BBX: variants seen among roughly 807,000 people sequenced by gnomAD.
BBX encodes the protein BBX high mobility group box domain containing, also known as HMG box transcription factor BBX.
Under a neutral mutation model 100.2 loss-of-function variants are expected in BBX, and 30 were observed. The observed-to-expected ratio is 0.30, with a 90% CI of 0.22 to 0.41. BBX has a LOEUF of 0.41. Among genes scored for constraint, BBX ranks in the 10% least tolerant of loss-of-function variants. The probability of loss-of-function intolerance (pLI) is 1.00; values close to 1 mark genes in which losing one functional copy is unlikely to be tolerated. For synonymous variants in BBX, 376 were observed against 388.1 expected (o/e 0.97, Z 0.37); for missense variants, 1,023 against 1,129.8 (o/e 0.91, Z 1.35).
intron 5 of BBX, among the ~76,000 whole-genome samples, chr3:107,720,192 C>G (rs537883170): frequency 1.3e-5 from 2 of 152,098 alleles, no homozygotes; most frequent in African/African-American, 4.8e-5. Context: ...ACCATACATT[C>G]AGTATACAGT....
At chr3:107,585,146 G>A (rs986787128) in intron 2 of BBX, among the ~76,000 whole-genome samples, 3 of 152,116 alleles carry the variant, frequency 2.0e-5, no homozygotes, top group Non-Finnish European at 2.9e-5. Context: ...AATCCACGTG[G>A]AGGAAACAAT....
chr3:107,583,531 A>G (rs1005525411), intron 2 of BBX, among the ~76,000 whole-genome samples: 2 of 151,944 alleles, frequency 1.3e-5, no homozygotes, highest in Non-Finnish European at 1.5e-5. Context: ...ATACATGTAT[A>G]TAGTATGTAA....
chr3:107,649,104 G>A (rs181668553), intron 3 of BBX, among the ~76,000 whole-genome samples: 34 of 152,316 alleles, frequency 2.2e-4, no homozygotes, highest in East Asian at 1.5e-3. Flanking sequence ...AGGAGAGCAC[G>A]TGCACGGGGA....
intron 17 of BBX, among the ~76,000 whole-genome samples, chr3:107,803,134 G>A (rs2108050579): frequency 6.6e-6 from 1 of 152,322 alleles, no homozygotes. Flanking sequence ...AATAAATGAG[G>A]TAGTTTCTGA....
intron 2 of BBX, among the ~76,000 whole-genome samples, chr3:107,553,944 GT>G (rs1024358061): frequency 2.7e-5 from 4 of 150,518 alleles, no homozygotes; most frequent in Non-Finnish European, 4.4e-5. Context: ...TTTGTTATGT[GT>G]TTTTTTTTCT....
intron 3 of BBX, among the ~76,000 whole-genome samples, chr3:107,707,751 A>G (rs988092926): frequency 6.6e-6 from 1 of 152,242 alleles, no homozygotes; most frequent in African/African-American, 2.4e-5. Flanking sequence ...GAAGCCACAT[A>G]TAACCCTCAT....
intron 2 of BBX, among the ~76,000 whole-genome samples, chr3:107,542,167 T>C (rs1196915599): frequency 6.6e-6 from 1 of 152,182 alleles, no homozygotes; most frequent in African/African-American, 2.4e-5. Context: ...GTTAGGACTT[T>C]ATCTTTAAGT....
In BBX at chr3:107,801,148, G is replaced by A. The variant is rs1315293739; in HGVS notation, c.2605G>A (p.Asp869Asn). 1.2e-6 allele frequency: 2 copies of A among 1,614,114 alleles called. No individual in the cohort carries two copies. Among genetic ancestry groups the A allele is most frequent in the African/African-American group, 2.7e-5 (2 of 74,940 alleles). Reference sequence around the variant, plus strand: ...GAGTCTCCCTAAAGCAACTGAGACAGACTGCAATGACAAATGCTCACACAA... The same window carrying A: ...GAGTCTCCCTAAAGCAACTGAGACAAACTGCAATGACAAATGCTCACACAA... ...QRSLPKATET[D>N]CNDKCSHNTE... Residue 869 changes from aspartate (D) to asparagine (N), a missense_variant, in exon 17 of 18, where the codon GAC (aspartate) becomes AAC (asparagine). By Grantham distance (23) the Asp-to-Asn change is conservative. This residue lies in a region of BBX where 104 missense variants were observed against 132.2 expected (regional missense o/e 0.79). Coordinates refer to ENST00000325805, the MANE Select transcript of BBX (RefSeq NM_001142568.3).
chr3:107,557,008 T>A (rs2050138999), intron 2 of BBX, among the ~76,000 whole-genome samples: 1 of 152,240 alleles, frequency 6.6e-6, no homozygotes, highest in African/African-American at 2.4e-5. Flanking sequence ...TACCTTCTTT[T>A]GATTTTTGAT....
intron 7 of BBX, among the ~76,000 whole-genome samples, chr3:107,738,609 G>T (rs1576578825): frequency 6.6e-6 from 1 of 152,272 alleles, no homozygotes; most frequent in Middle Eastern, 3.4e-3. Context: ...GGCAGAACTG[G>T]GATTCCAACG....
At chr3:107,805,259 AC>A in intron 17 of BBX, 110 bp from the exon 18 acceptor site, 1 of 1,137,870 alleles carries the variant, frequency 8.8e-7, no homozygotes, top group Non-Finnish European at 1.2e-6. Flanking sequence ...GATGTAAGTA[AC>A]AGCAGTAACT....
chr3:107,608,333 C>T (rs1331119084), intron 2 of BBX, among the ~76,000 whole-genome samples: 2 of 152,120 alleles, frequency 1.3e-5, no homozygotes, highest in Non-Finnish European at 2.9e-5. Flanking sequence ...ACTGTCCTTT[C>T]CCCAGTGTAT....
chr3:107,554,008 A>G lies in BBX; in HGVS notation c.-84+27610A>G, dbSNP rs1428139917. Reference sequence around the variant, plus strand: ...TACCCTATTTGTCTATTCCTGAACAAATAAGAAACTGAGAGTGGGATCCAA... The same window carrying G: ...TACCCTATTTGTCTATTCCTGAACAGATAAGAAACTGAGAGTGGGATCCAA... On this transcript the variant is annotated intron_variant, in intron 2 of 17. Transcript: ENST00000325805. Among the ~76,000 whole-genome samples, 4 of 152,200 alleles carry G rather than the reference A, an allele frequency of 2.6e-5. No individual in the cohort carries two copies. The East Asian group carries it at 7.7e-4, about 29-fold the overall frequency.
At chr3:107,632,928 G>A (rs965031811) in intron 2 of BBX, among the ~76,000 whole-genome samples, 19 of 151,952 alleles carry the variant, frequency 1.3e-4, no homozygotes, top group African/African-American at 4.4e-4. Flanking sequence ...CTGTTCTTTC[G>A]GGATGTTCAT....
At chr3:107,697,719 C>T (rs1435973151) in intron 3 of BBX, among the ~76,000 whole-genome samples, 3 of 151,842 alleles carry the variant, frequency 2.0e-5, no homozygotes, top group Non-Finnish European at 4.4e-5. Context: ...CTGTGGTGGG[C>T]TCCACCCAGT....
At chr3:107,736,565 G>T (rs2107553617) in intron 7 of BBX, among the ~76,000 whole-genome samples, 1 of 151,988 alleles carries the variant, frequency 6.6e-6, no homozygotes, top group Admixed American at 6.5e-5. Context: ...ATCTAAAAAT[G>T]AAAATACAAA....
intron 2 of BBX, among the ~76,000 whole-genome samples, chr3:107,558,944 A>G (rs1220119021): frequency 1.3e-5 from 2 of 152,224 alleles, no homozygotes; most frequent in Non-Finnish European, 2.9e-5. Context: ...AAGAGATGTC[A>G]TTTGATTTTG....
rs145980952 is a variant in BBX, at chr3:107,652,053, A to G, written c.-10+6144A>G. On this transcript the variant is annotated intron_variant, in intron 3 of 17. Coordinates refer to ENST00000325805, the MANE Select transcript of BBX (RefSeq NM_001142568.3). ...CAATGTCTGTATAGTACTTCTTTCTATTATATAGTCTTTTATAACCTGCTT... is the reference window on the plus strand; with the variant it reads ...CAATGTCTGTATAGTACTTCTTTCTGTTATATAGTCTTTTATAACCTGCTT... Among the ~76,000 whole-genome samples the G allele has an allele frequency of 5.4e-3, 821 of 152,248 alleles. 7 individuals are homozygous for G. Among genetic ancestry groups the G allele is most frequent in the African/African-American group, 0.015 (616 of 41,570 alleles).
chr3:107,705,134 A>G (rs546332899), intron 3 of BBX, among the ~76,000 whole-genome samples: 6 of 152,082 alleles, frequency 3.9e-5, no homozygotes, highest in Admixed American at 6.6e-5. Flanking sequence ...ACTATGTTAC[A>G]GTGTCTTTGG....
Sources: gnomAD v4.1 joint callset for allele counts (sites outside exome capture counted in the v4.1 genomes callset) on GRCh38, gnomAD v4.1.1 for gene constraint, gnomAD v4.1.1 regional missense constraint, MANE v1.5 for transcripts, NCBI Gene and HGNC (gene_info 2026-07-23, HGNC 2026-07-21) for gene names.